SEM1: variants seen among roughly 807,000 people sequenced by gnomAD.
SEM1 encodes the protein 26S proteasome complex subunit SEM1.
In SEM1, 3 loss-of-function variants were observed where a neutral mutation model predicts 12.7. The ratio of observed to expected loss-of-function variants is 0.24; its 90% CI spans 0.11 to 0.61. SEM1 has a LOEUF of 0.61. Ranked by LOEUF, SEM1 falls within the 20% of genes least tolerant of loss-of-function variation. The pLI is 0.88. For synonymous variants in SEM1, 30 were observed against 27.8 expected, an observed-to-expected ratio of 1.08 and a Z score of -0.25; for missense variants, 59 against 81.3, an observed-to-expected ratio of 0.73 and a Z score of 1.06.
At chr7:96,522,175 T>C (rs6465513) in intron 2 of SEM1, among the ~76,000 whole-genome samples, 64,655 of 151,890 alleles carry the variant, frequency 0.43, 14,340 homozygotes, top group East Asian at 0.74. Context: ...CACGTGTAGT[T>C]CCTGGGACAT....
chr7:96,553,852 G>C (rs976056431), intron 2 of SEM1, among the ~76,000 whole-genome samples: 1 of 152,134 alleles, frequency 6.6e-6, no homozygotes, highest in Non-Finnish European at 1.5e-5. Flanking sequence ...CCACTTGTTT[G>C]TATCCTCTTT....
intron 2 of SEM1, among the ~76,000 whole-genome samples, chr7:96,570,519 A>G (rs1805986527): frequency 6.6e-6 from 1 of 152,204 alleles, no homozygotes; most frequent in Non-Finnish European, 1.5e-5. Flanking sequence ...TGCAAAGGAC[A>G]TAAACTCATC....
At chr7:96,499,117 A>G (rs1174718408), upstream of SEM1, among the ~76,000 whole-genome samples, 1 of 152,194 alleles carries the variant, frequency 6.6e-6, no homozygotes, top group Non-Finnish European at 1.5e-5. Flanking sequence ...ACCTTAACTT[A>G]AATAATGGGT....
In SEM1 at chr7:96,544,158, A is replaced by G. The variant is rs541151582; in HGVS notation, c.171-37460T>C. ...TCTTAAAGGCCTCTAGGAAAACACA[A>G]TTCCACAACCACTTTTGCTAGCCTG... On this transcript the variant is annotated intron_variant and NMD_transcript_variant, in intron 2 of 3. Coordinates refer to the SEM1 transcript ENST00000466986. Among the ~76,000 whole-genome samples the G allele has an allele frequency of 2.0e-5, 3 of 152,192 alleles. No homozygotes were observed. In the East Asian group the frequency reaches 5.8e-4, roughly 29 times the overall value.
At chr7:96,537,561 A>G (rs1248187199) in intron 2 of SEM1, among the ~76,000 whole-genome samples, 1 of 151,466 alleles carries the variant, frequency 6.6e-6, no homozygotes, top group African/African-American at 2.4e-5. Context: ...TACTTTAAAT[A>G]TTTACTTCCA....
chr7:96,508,439 A>G (rs1360991901), intron 2 of SEM1, among the ~76,000 whole-genome samples: 1 of 152,092 alleles, frequency 6.6e-6, no homozygotes, highest in Admixed American at 6.6e-5. Context: ...GTCAACGAGA[A>G]CAGTGCAATT....
downstream of SEM1, among the ~76,000 whole-genome samples, chr7:96,618,521 T>A (rs1184073820): frequency 2.0e-5 from 3 of 152,190 alleles, no homozygotes; most frequent in Non-Finnish European, 4.4e-5. Flanking sequence ...AACCAATAAC[T>A]CGTAAGTTCA....
intron 2 of SEM1, among the ~76,000 whole-genome samples, chr7:96,549,182 T>C (rs1298183323): frequency 6.6e-6 from 1 of 152,146 alleles, no homozygotes; most frequent in African/African-American, 2.4e-5. Context: ...TCCAGGAACA[T>C]GAGGGTTGGT....
chr7:96,585,923 G>A (rs1010245346), intron 2 of SEM1, among the ~76,000 whole-genome samples: 10 of 152,150 alleles, frequency 6.6e-5, no homozygotes, highest in African/African-American at 1.2e-4. Flanking sequence ...GAAATCACCC[G>A]TCTTCTGCAT....
chr7:96,483,743 T>G, exon 4 of SEM1: 1 of 1,334,332 alleles, frequency 7.5e-7, no homozygotes, highest in Non-Finnish European at 1.0e-6. Context: ...CTAGGAAGTA[T>G]AGTTCTACCA....
At chr7:96,703,916 G>A (rs527496192) in intron 1 of SEM1, among the ~76,000 whole-genome samples, 9 of 151,450 alleles carry the variant, frequency 5.9e-5, no homozygotes, top group African/African-American at 2.2e-4. Flanking sequence ...CTGTGACAGC[G>A]CCACTGTACT....
intron 2 of SEM1, among the ~76,000 whole-genome samples, chr7:96,529,605 T>A (rs1003495089): frequency 2.1e-5 from 3 of 144,474 alleles, no homozygotes; most frequent in African/African-American, 8.1e-5. Flanking sequence ...CTCATACAAC[T>A]GCAGCTCTTG....
At chr7:96,530,264 T>C (rs2115708768) in intron 2 of SEM1, among the ~76,000 whole-genome samples, 1 of 152,056 alleles carries the variant, frequency 6.6e-6, no homozygotes, top group Non-Finnish European at 1.5e-5. Flanking sequence ...CAGCAGGAAC[T>C]TAAGGGGATA....
At chr7:96,651,638 C>T (rs1365967385) in intron 2 of SEM1, among the ~76,000 whole-genome samples, 1 of 152,190 alleles carries the variant, frequency 6.6e-6, no homozygotes, top group Non-Finnish European at 1.5e-5. Flanking sequence ...GTGGCGTGAT[C>T]TCAGCTTACT....
chr7:96,606,512 C>T (rs966125101), intron 2 of SEM1, among the ~76,000 whole-genome samples: 16 of 152,092 alleles, frequency 1.1e-4, no homozygotes, highest in African/African-American at 3.4e-4. Context: ...AGAAGATGGG[C>T]CCACATCCAT....
intron 2 of SEM1, among the ~76,000 whole-genome samples, chr7:96,582,942 T>C (rs1377547279): frequency 1.3e-5 from 2 of 152,232 alleles, no homozygotes; most frequent in Non-Finnish European, 2.9e-5. Flanking sequence ...TTCATTAATT[T>C]TTTGAAGGGT....
rs192204699 is a variant in SEM1 at position 96,531,038 on chromosome 7, A to G, written c.171-24340T>C. ...TGGGTCTGGATCATAGAATTTAGCT[A>G]TGGGGGAAGGGAAAAAGACTATCTT... On this transcript the variant is annotated intron_variant and NMD_transcript_variant, in intron 2 of 3. Transcript: ENST00000466986. 2.1e-3 allele frequency among the ~76,000 whole-genome samples: 325 copies of G among 152,184 alleles called. 8 individuals carry two copies. Among genetic ancestry groups the G allele is most frequent in the Admixed American group, 0.021 (320 of 15,272 alleles).
intron 2 of SEM1, among the ~76,000 whole-genome samples, chr7:96,485,937 G>A (rs1011499516): frequency 6.6e-6 from 1 of 151,988 alleles, no homozygotes; most frequent in African/African-American, 2.4e-5. Flanking sequence ...GACTTTTTGT[G>A]GGGGGTAAGG....
chr7:96,594,329 C>T (rs1584793494), intron 2 of SEM1, among the ~76,000 whole-genome samples: 2 of 152,196 alleles, frequency 1.3e-5, no homozygotes, highest in Non-Finnish European at 2.9e-5. Flanking sequence ...CACCCACTTC[C>T]CACACCAAGA....
Sources: allele counts gnomAD v4.1 joint callset (sites outside exome capture counted in the v4.1 genomes callset), GRCh38; gene constraint gnomAD v4.1.1; transcripts MANE v1.5; gene names NCBI Gene and HGNC (gene_info 2026-07-23, HGNC 2026-07-21).